Variants in CCDC102B observed in about 807,000 individuals in gnomAD.
The protein encoded by CCDC102B is coiled-coil domain-containing protein 102B.
In CCDC102B, 75 loss-of-function variants were observed where a neutral mutation model predicts 57.4. The ratio of observed to expected loss-of-function variants is 1.31; its 90% CI spans 1.08 to 1.58. The LOEUF (loss-of-function observed/expected upper bound fraction) is 1.58. Ranked by LOEUF, CCDC102B falls within the 40% of genes most tolerant of loss-of-function variation. The pLI, the probability that CCDC102B is intolerant of heterozygous loss-of-function variation, is 0.00. For missense variants in CCDC102B, 636 were observed against 582.6 expected (o/e 1.09, Z -0.94); for synonymous variants, 206 against 201.9 (o/e 1.02, Z -0.17).
intron 1 of CCDC102B, among the ~76,000 whole-genome samples, chr18:68,804,272 G>A (rs1449703233): frequency 6.6e-6 from 1 of 152,176 alleles, no homozygotes; most frequent in African/African-American, 2.4e-5. Flanking sequence ...CTGTGGAGGA[G>A]CAGGTGTAGA....
chr18:68,864,956 C>T (rs186394383), intron 4 of CCDC102B, among the ~76,000 whole-genome samples: 2 of 152,112 alleles, frequency 1.3e-5, no homozygotes, highest in African/African-American at 4.8e-5. Flanking sequence ...CTTGTATTGC[C>T]ACTATTCCTA....
chr18:68,778,806 A>G (rs1018528024), intron 2 of CCDC102B, among the ~76,000 whole-genome samples: 15 of 150,834 alleles, frequency 9.9e-5, no homozygotes, highest in Admixed American at 2.7e-4. Flanking sequence ...AAGCAGAACC[A>G]TGAAGAAATA....
chr18:68,781,155 A>C (rs77051838), intron 2 of CCDC102B, among the ~76,000 whole-genome samples: 1,949 of 152,220 alleles, frequency 0.013, 30 homozygotes, highest in Non-Finnish European at 0.018. Flanking sequence ...GAAAAGTACA[A>C]AACAAAATGC....
At chr18:68,715,756 C>T (rs935565597) in intron 1 of CCDC102B, 1 of 152,020 alleles carries the variant, frequency 6.6e-6, no homozygotes, top group Non-Finnish European at 1.5e-5. Context: ...GTTTTTTCTT[C>T]TATACGACAA....
chr18:68,782,196 T>G (rs754140947), intron 2 of CCDC102B, among the ~76,000 whole-genome samples: 15 of 152,108 alleles, frequency 9.9e-5, no homozygotes, highest in Non-Finnish European at 1.6e-4. Flanking sequence ...GGATTTGGAT[T>G]AAATTATGTA....
intron 4 of CCDC102B, among the ~76,000 whole-genome samples, chr18:68,862,027 T>C (rs2038783168): frequency 6.6e-6 from 1 of 152,186 alleles, no homozygotes; most frequent in Non-Finnish European, 1.5e-5. Flanking sequence ...TAATCATCTC[T>C]CTCTAAATGT....
At chr18:68,951,158 A>G (rs2145196329) in intron 6 of CCDC102B, among the ~76,000 whole-genome samples, 1 of 152,226 alleles carries the variant, frequency 6.6e-6, no homozygotes, top group South Asian at 2.1e-4. Context: ...AGGGGAAGGG[A>G]AAGTGCAGAA....
At chr18:68,994,288 G>T (rs1461082041) in intron 6 of CCDC102B, among the ~76,000 whole-genome samples, 1 of 152,126 alleles carries the variant, frequency 6.6e-6, no homozygotes, top group Non-Finnish European at 1.5e-5. Flanking sequence ...AGTGAAGTTT[G>T]TAAATATTCA....
intron 6 of CCDC102B, among the ~76,000 whole-genome samples, chr18:68,924,575 C>A (rs952917520): frequency 1.3e-4 from 20 of 152,010 alleles, no homozygotes; most frequent in African/African-American, 4.8e-4. Context: ...AATAAACACC[C>A]ATTTACACCC....
chr18:68,815,304 C>G (rs2144723120), intron 1 of CCDC102B, among the ~76,000 whole-genome samples: 1 of 152,216 alleles, frequency 6.6e-6, no homozygotes, highest in South Asian at 2.1e-4. Context: ...CTGTGTATTT[C>G]AAATGGATGG....
intron 6 of CCDC102B, among the ~76,000 whole-genome samples, chr18:68,936,205 A>C (rs2049232536): frequency 7.4e-6 from 1 of 135,956 alleles, no homozygotes; most frequent in East Asian, 3.4e-4. Context: ...AATATGCCAA[A>C]ATAAAAAAAA....
intron 6 of CCDC102B, among the ~76,000 whole-genome samples, chr18:68,962,812 A>G (rs2050077058): frequency 6.6e-6 from 1 of 151,998 alleles, no homozygotes; most frequent in Admixed American, 6.6e-5. Flanking sequence ...GTACTGTGGA[A>G]GTCTTCCGGC....
At chr18:68,772,228 C>T (rs547956549) in intron 2 of CCDC102B, among the ~76,000 whole-genome samples, 1 of 152,156 alleles carries the variant, frequency 6.6e-6, no homozygotes, top group Admixed American at 6.5e-5. Flanking sequence ...TATCGTTTAA[C>T]ACAATGACTT....
At chr18:68,859,870 C>G (rs1309539052) in intron 4 of CCDC102B, among the ~76,000 whole-genome samples, 2 of 74,212 alleles carry the variant, frequency 2.7e-5, no homozygotes, top group African/African-American at 7.4e-5. Flanking sequence ...TAAACTAGTT[C>G]AACCATTGTG....
rs113081488 is a variant in CCDC102B, at chr18:68,922,981, T to C, written c.1263+25553T>C. 3.6e-3 allele frequency among the ~76,000 whole-genome samples: 553 copies of C among 152,170 alleles called. 1 individual carries two copies. The highest frequency in any genetic ancestry group is 0.013 in the African/African-American group (530 of 41,514). On this transcript the variant is annotated intron_variant, in intron 6 of 7. Coordinates refer to ENST00000360242, the MANE Select transcript of CCDC102B (RefSeq NM_024781.3). ...AGTCTGACATTACTTAGCCTTCTGATCTCTGTTGCCTTTTTAGATGGCTTG... is the reference window on the plus strand; with the variant it reads ...AGTCTGACATTACTTAGCCTTCTGACCTCTGTTGCCTTTTTAGATGGCTTG...
chr18:68,929,088 C>A (rs1027586778), intron 6 of CCDC102B, among the ~76,000 whole-genome samples: 2 of 151,886 alleles, frequency 1.3e-5, no homozygotes, highest in African/African-American at 4.8e-5. Flanking sequence ...AGCTAAAAGT[C>A]AGCAGCCATA....
intron 4 of CCDC102B, among the ~76,000 whole-genome samples, chr18:68,863,249 T>C (rs2038836863): frequency 6.6e-6 from 1 of 151,816 alleles, no homozygotes; most frequent in Non-Finnish European, 1.5e-5. Context: ...AAAATCTAGA[T>C]CATTTATCCT....
At chr18:68,731,590 GGC>G (rs1374079519) in intron 2 of CCDC102B, among the ~76,000 whole-genome samples, 3 of 151,430 alleles carry the variant, frequency 2.0e-5, no homozygotes, top group Non-Finnish European at 4.4e-5. Flanking sequence ...TCATTTTAGT[GGC>G]CAGAGGGATA....
chr18:68,853,672 TAAAAAAAAAAA>T (rs71175201), intron 4 of CCDC102B, among the ~76,000 whole-genome samples: 16 of 94,656 alleles, frequency 1.7e-4, no homozygotes, highest in Admixed American at 5.9e-4. Context: ...CCCCAAATTG[TAAAAAAAAAAA>T]AAAAAAAAAA....
Sources: gnomAD v4.1 joint callset for allele counts (sites outside exome capture counted in the v4.1 genomes callset) on GRCh38, gnomAD v4.1.1 for gene constraint, MANE v1.5 for transcripts, NCBI Gene and HGNC (gene_info 2026-07-23, HGNC 2026-07-21) for gene names.